The following RYK variants were observed in gnomAD, a reference collection of about 807,000 sequenced individuals.
RYK encodes the protein receptor like tyrosine kinase.
A neutral mutation model predicts 70.2 loss-of-function variants in RYK; 21 were observed. That is an observed-to-expected ratio of 0.30 (90% CI 0.21 to 0.43). The LOEUF (loss-of-function observed/expected upper bound fraction) is 0.43, where lower values mean the gene tolerates loss of function less well. Ranked by LOEUF, RYK falls within the 20% of genes least tolerant of loss-of-function variation. RYK has a pLI of 1.00. For missense variants in RYK, 604 were observed against 753.3 expected (o/e 0.80, Z 2.32); for synonymous variants, 267 against 278.0 (o/e 0.96, Z 0.39).
At chr3:134,202,527 T>C (rs1490314605) in intron 6 of RYK, 9 of 500,852 alleles carry the variant, frequency 1.8e-5, no homozygotes, top group Non-Finnish European at 3.1e-5. Context: ...AAAAAACTAA[T>C]TTCTGACTTC....
intron 5 of RYK, among the ~76,000 whole-genome samples, chr3:134,204,166 T>C (rs1337501343): frequency 6.6e-6 from 1 of 152,122 alleles, no homozygotes; most frequent in Non-Finnish European, 1.5e-5. Context: ...GCTCTATTCA[T>C]TAAATAAAAT....
intron 10 of RYK, chr3:134,181,739 T>C (rs1487186685): frequency 6.6e-6 from 1 of 152,234 alleles, no homozygotes; most frequent in Non-Finnish European, 1.5e-5. Flanking sequence ...TGACTCTATA[T>C]AGTGCTTTAA....
At chr3:134,174,595 T>C (rs895121072) in intron 13 of RYK, among the ~76,000 whole-genome samples, 18 of 152,180 alleles carry the variant, frequency 1.2e-4, no homozygotes, top group Non-Finnish European at 2.9e-5. Context: ...TGGGACCCTA[T>C]AAGCAGAAGT....
chr3:134,207,063 G>A (rs2014235951), intron 5 of RYK, among the ~76,000 whole-genome samples: 1 of 152,038 alleles, frequency 6.6e-6, no homozygotes, highest in Admixed American at 6.5e-5. Context: ...CTGCTCTGTA[G>A]GTTTAAGTAA....
At chr3:134,217,607 C>T (rs1051042940) in intron 2 of RYK, among the ~76,000 whole-genome samples, 3 of 152,180 alleles carry the variant, frequency 2.0e-5, no homozygotes, top group Non-Finnish European at 2.9e-5. Context: ...CAGTGCTCTG[C>T]AAACTGCAGA....
At chr3:134,188,167 A>T (rs55810750) in intron 9 of RYK, among the ~76,000 whole-genome samples, 40,733 of 130,032 alleles carry the variant, frequency 0.31, 7,455 homozygotes, top group Middle Eastern at 0.42. Context: ...ATATATATAT[A>T]TTTTTTTTTT....
At chr3:134,207,369 C>T in intron 5 of RYK, 103 bp downstream of exon 5, 5 of 598,144 alleles carry the variant, frequency 8.4e-6, no homozygotes, top group Non-Finnish European at 1.1e-5. Flanking sequence ...GTGTCATTAT[C>T]ATTTGATACC....
intron 8 of RYK, among the ~76,000 whole-genome samples, chr3:134,189,812 G>A (rs1381531874): frequency 4.6e-5 from 7 of 151,158 alleles, no homozygotes; most frequent in African/African-American, 1.5e-4. Flanking sequence ...TGACCTTTGC[G>A]GGTGCTAGGG....
chr3:134,230,539 CTGTA>C (rs764312906), intron 1 of RYK, among the ~76,000 whole-genome samples: 31 of 152,264 alleles, frequency 2.0e-4, no homozygotes, highest in African/African-American at 3.1e-4. Flanking sequence ...ATTTCATAGA[CTGTA>C]TGAGTGAAAG....
intron 6 of RYK, among the ~76,000 whole-genome samples, chr3:134,196,301 G>T (rs1018632341): frequency 3.3e-5 from 5 of 152,182 alleles, no homozygotes; most frequent in Admixed American, 6.5e-5. Context: ...GGTGAAACCA[G>T]ATAGCAGGAT....
intron 2 of RYK, among the ~76,000 whole-genome samples, chr3:134,215,006 C>T (rs1020421219): frequency 1.3e-5 from 2 of 152,148 alleles, no homozygotes; most frequent in Non-Finnish European, 2.9e-5. Context: ...ACCTTCAATC[C>T]CTCTCAAGTG....
chr3:134,218,705 G>C (rs762929188), intron 2 of RYK, among the ~76,000 whole-genome samples: 1 of 152,140 alleles, frequency 6.6e-6, no homozygotes, highest in Non-Finnish European at 1.5e-5. Context: ...GAAATCAAGA[G>C]CTTTATTCCA....
At chr3:134,164,932 C>T (rs2012609017) in intron 13 of RYK, among the ~76,000 whole-genome samples, 1 of 152,196 alleles carries the variant, frequency 6.6e-6, no homozygotes, top group African/African-American at 2.4e-5. Context: ...GCCAAACCAA[C>T]AGTATCTCAT....
chr3:134,221,845 T>C (rs947573172), intron 2 of RYK, among the ~76,000 whole-genome samples: 10 of 152,272 alleles, frequency 6.6e-5, no homozygotes, highest in Middle Eastern at 6.8e-3. Context: ...AAACTTACCA[T>C]GTTTGAGGGA....
At chr3:134,195,899 T>C (rs2013796080) in intron 6 of RYK, among the ~76,000 whole-genome samples, 1 of 151,908 alleles carries the variant, frequency 6.6e-6, no homozygotes, top group Non-Finnish European at 1.5e-5. Flanking sequence ...TGAGTCAAGA[T>C]TACGCCACTG....
intron 1 of RYK, among the ~76,000 whole-genome samples, chr3:134,228,675 G>A (rs999373795): frequency 2.6e-5 from 4 of 152,156 alleles, no homozygotes; most frequent in Admixed American, 2.6e-4. Context: ...TAGGAATAGA[G>A]CACAGCAATT....
chr3:134,177,496 C>A (rs762455381), intron 11 of RYK, among the ~76,000 whole-genome samples: 2 of 152,274 alleles, frequency 1.3e-5, no homozygotes, highest in Middle Eastern at 3.4e-3. Context: ...TAGATGACTG[C>A]CATCTTACAG....
intron 2 of RYK, among the ~76,000 whole-genome samples, chr3:134,222,144 G>T (rs1312803941): frequency 2.0e-5 from 3 of 152,144 alleles, no homozygotes; most frequent in African/African-American, 7.2e-5. Flanking sequence ...TTTCAAGCTA[G>T]GTCTGGATCT....
At chr3:134,182,858 A>C in intron 10 of RYK, 144 bp downstream of exon 10, 2 of 471,676 alleles carry the variant, frequency 4.2e-6, no homozygotes, top group Non-Finnish European at 7.7e-6. Context: ...ATGAGAATGC[A>C]TTTCACTTTT....
Sources: gnomAD v4.1 joint callset for allele counts (sites outside exome capture counted in the v4.1 genomes callset) on GRCh38, gnomAD v4.1.1 for gene constraint, MANE v1.5 for transcripts, NCBI Gene and HGNC (gene_info 2026-07-23, HGNC 2026-07-21) for gene names.